GRM7: variants seen among roughly 807,000 people sequenced by gnomAD.
GRM7 encodes the protein metabotropic glutamate receptor 7.
A neutral mutation model predicts 84.5 loss-of-function variants in GRM7; 35 were observed. That is an observed-to-expected ratio of 0.41 (90% CI 0.32 to 0.55). The LOEUF is 0.55. GRM7 is among the 20% of genes least tolerant of loss of function. The probability of loss-of-function intolerance (pLI) is 0.19; values close to 1 mark genes in which losing one functional copy is unlikely to be tolerated. For synonymous variants in GRM7, 487 were observed against 455.1 expected (o/e 1.07, Z -0.89); for missense variants, 1,003 against 1,194.6 (o/e 0.84, Z 2.36).
chr3:7,357,490 A>G (rs1693461894), intron 4 of GRM7, among the ~76,000 whole-genome samples: 1 of 152,106 alleles, frequency 6.6e-6, no homozygotes, highest in South Asian at 2.1e-4. Context: ...TCCTACAGAC[A>G]TATTTTTTCC....
chr3:7,064,861 G>A (rs1391724891), intron 1 of GRM7, among the ~76,000 whole-genome samples: 1 of 151,266 alleles, frequency 6.6e-6, no homozygotes, highest in Non-Finnish European at 1.5e-5. Flanking sequence ...AACATCTACT[G>A]TTTTTTGATT....
intron 1 of GRM7, among the ~76,000 whole-genome samples, chr3:7,040,198 C>G (rs932070775): frequency 4.6e-5 from 7 of 152,196 alleles, no homozygotes; most frequent in Non-Finnish European, 7.3e-5. Context: ...GTTCCAGCGT[C>G]TCTACAACAT....
At chr3:7,168,240 C>T (rs1215747091) in intron 2 of GRM7, among the ~76,000 whole-genome samples, 1 of 152,084 alleles carries the variant, frequency 6.6e-6, no homozygotes, top group Non-Finnish European at 1.5e-5. Flanking sequence ...TATGTTTCAA[C>T]TATTGTTTCA....
intron 1 of GRM7, among the ~76,000 whole-genome samples, chr3:6,905,910 T>G (rs1200966965): frequency 6.6e-6 from 1 of 152,210 alleles, no homozygotes; most frequent in East Asian, 1.9e-4. Flanking sequence ...ATCATAGTCA[T>G]GATTTTCTGA....
At chr3:7,220,507 T>C (rs9859960) in intron 2 of GRM7, among the ~76,000 whole-genome samples, 25,695 of 152,012 alleles carry the variant, frequency 0.17, 2,584 homozygotes, top group African/African-American at 0.28. Flanking sequence ...ACAAGGAAAG[T>C]TGGAAAAACT....
chr3:7,199,956 A>G (rs1161420498), intron 2 of GRM7, among the ~76,000 whole-genome samples: 2 of 152,216 alleles, frequency 1.3e-5, no homozygotes, highest in Non-Finnish European at 2.9e-5. Flanking sequence ...AAAGAGGTTT[A>G]TTTAGCCTCC....
intron 7 of GRM7, among the ~76,000 whole-genome samples, chr3:7,520,513 A>T (rs1021790697): frequency 5.2e-5 from 2 of 38,404 alleles, no homozygotes; most frequent in Admixed American, 2.3e-4. Flanking sequence ...TGAAAAAAAT[A>T]AAAAAAAAAA....
chr3:7,491,516 TGG>T, intron 7 of GRM7, among the ~76,000 whole-genome samples: 1 of 152,336 alleles, frequency 6.6e-6, no homozygotes, highest in Middle Eastern at 3.4e-3. Context: ...TCTGTGTGTA[TGG>T]CATTGCCCTG....
chr3:7,215,574 A>G (rs1288258211), intron 2 of GRM7, among the ~76,000 whole-genome samples: 2 of 152,048 alleles, frequency 1.3e-5, no homozygotes, highest in Non-Finnish European at 2.9e-5. Context: ...CTGAGGCAGA[A>G]GAATGGCGTG....
At chr3:6,916,997 T>A (rs900955974) in intron 1 of GRM7, among the ~76,000 whole-genome samples, 1 of 152,106 alleles carries the variant, frequency 6.6e-6, no homozygotes, top group African/African-American at 2.4e-5. Context: ...TGTTTCCTTT[T>A]TATTGGGAGG....
chr3:7,351,101 C>G (rs1693120682), intron 4 of GRM7, among the ~76,000 whole-genome samples: 1 of 152,088 alleles, frequency 6.6e-6, no homozygotes, highest in African/African-American at 2.4e-5. Flanking sequence ...AGGTCTCACT[C>G]TGAAGCCAAT....
intron 1 of GRM7, among the ~76,000 whole-genome samples, chr3:6,997,969 A>C (rs1395581016): frequency 2.0e-5 from 3 of 151,582 alleles, no homozygotes; most frequent in Non-Finnish European, 4.4e-5. Context: ...AAAATATAAA[A>C]TTAGCTGGGT....
chr3:6,886,314 G>C (rs1180804877), intron 1 of GRM7, among the ~76,000 whole-genome samples: 1 of 152,028 alleles, frequency 6.6e-6, no homozygotes, highest in Non-Finnish European at 1.5e-5. Context: ...AGGGAGGGGA[G>C]CATCACACAC....
At chr3:7,104,329 T>C (rs1471556027) in intron 1 of GRM7, among the ~76,000 whole-genome samples, 1 of 151,770 alleles carries the variant, frequency 6.6e-6, no homozygotes, top group Non-Finnish European at 1.5e-5. Flanking sequence ...CATGACCATG[T>C]TGGCACCAGG....
intron 2 of GRM7, among the ~76,000 whole-genome samples, chr3:7,258,313 A>G (rs1036461957): frequency 6.6e-6 from 1 of 152,132 alleles, no homozygotes; most frequent in African/African-American, 2.4e-5. Context: ...TCTTAAACCT[A>G]GAGTGTAGGG....
At chr3:6,955,693 T>C (rs536104130) in intron 1 of GRM7, among the ~76,000 whole-genome samples, 2 of 151,702 alleles carry the variant, frequency 1.3e-5, no homozygotes, top group East Asian at 1.9e-4. Flanking sequence ...AAATACAAAA[T>C]TTTTTGGGTG....
chr3:7,119,958 G>A (rs1161967180), intron 1 of GRM7, among the ~76,000 whole-genome samples: 1 of 151,964 alleles, frequency 6.6e-6, no homozygotes, highest in African/African-American at 2.4e-5. Flanking sequence ...TTCCTTGTAA[G>A]GTTTTCTAGA....
At chr3:7,228,124 C>G (rs1697042053) in intron 2 of GRM7, among the ~76,000 whole-genome samples, 1 of 152,102 alleles carries the variant, frequency 6.6e-6, no homozygotes, top group South Asian at 2.1e-4. Context: ...AAGTTTCCTG[C>G]TAGGATTGCC....
At chr3:7,033,658 C>G (rs773446708) in intron 1 of GRM7, among the ~76,000 whole-genome samples, 10 of 152,068 alleles carry the variant, frequency 6.6e-5, no homozygotes, top group African/African-American at 9.7e-5. Flanking sequence ...TTTTTACTTT[C>G]TCAAGTCTCT....
Sources: allele counts gnomAD v4.1 joint callset (sites outside exome capture counted in the v4.1 genomes callset), GRCh38; gene constraint gnomAD v4.1.1; transcripts MANE v1.5; gene names NCBI Gene and HGNC (gene_info 2026-07-23, HGNC 2026-07-21).